The following ENTREP2 variants were observed in gnomAD, a reference collection of about 807,000 sequenced individuals.
ENTREP2 encodes protein ENTREP2.
chr15:29,282,950 G>A, the ENTREP2 span, among the ~76,000 whole-genome samples: 1 of 152,196 alleles, frequency 6.6e-6, no homozygotes, highest in African/African-American at 2.4e-5. Flanking sequence ...CCTGGTATGG[G>A]GGTGTGTCCA....
At chr15:29,560,958 G>A in the ENTREP2 span, among the ~76,000 whole-genome samples, 2 of 9,528 alleles carry the variant, frequency 2.1e-4, no homozygotes, top group Admixed American at 2.3e-3. Context: ...TTTATAAATG[G>A]TCTATGGTTG....
At chr15:29,635,893 C>T in the ENTREP2 span, among the ~76,000 whole-genome samples, 1 of 152,206 alleles carries the variant, frequency 6.6e-6, no homozygotes, top group South Asian at 2.1e-4. Context: ...ATACTGGGAC[C>T]TCTTGAGCCA....
At chr15:29,213,370 A>G in the ENTREP2 span, among the ~76,000 whole-genome samples, 4 of 152,128 alleles carry the variant, frequency 2.6e-5, no homozygotes, top group Non-Finnish European at 5.9e-5. Flanking sequence ...GAATCTATAA[A>G]TTACCTTGGG....
the ENTREP2 span, among the ~76,000 whole-genome samples, chr15:29,350,843 T>C: frequency 6.6e-6 from 1 of 152,182 alleles, no homozygotes; most frequent in Non-Finnish European, 1.5e-5. Flanking sequence ...CTTGGGAGGC[T>C]GAGGCAGGGC....
the ENTREP2 span, chr15:29,195,418 G>C: frequency 3.2e-6 from 2 of 625,338 alleles, no homozygotes; most frequent in African/African-American, 2.0e-5. Flanking sequence ...CCCATCCCCT[G>C]CATACTGCAT....
chr15:29,637,387 A>T, the ENTREP2 span, among the ~76,000 whole-genome samples: 2 of 152,206 alleles, frequency 1.3e-5, no homozygotes, highest in African/African-American at 4.8e-5. Flanking sequence ...ATATGCAGTG[A>T]GCAGAGAGTG....
At chr15:29,541,374 A>G in the ENTREP2 span, among the ~76,000 whole-genome samples, 1 of 152,238 alleles carries the variant, frequency 6.6e-6, no homozygotes, top group Non-Finnish European at 1.5e-5. Context: ...CCTCAGCCTC[A>G]GCCTGAGGGA....
At chr15:29,207,125 G>C in the ENTREP2 span, among the ~76,000 whole-genome samples, 1 of 152,142 alleles carries the variant, frequency 6.6e-6, no homozygotes, top group Non-Finnish European at 1.5e-5. Context: ...AGAGCATCAA[G>C]GACTGGGCAC....
the ENTREP2 span, among the ~76,000 whole-genome samples, chr15:29,319,140 G>A: frequency 5.9e-5 from 9 of 152,292 alleles, no homozygotes; most frequent in African/African-American, 1.4e-4. Context: ...CCTCACAACC[G>A]CCATGGGTAC....
chr15:29,126,784 G>A, the ENTREP2 span, among the ~76,000 whole-genome samples: 11,983 of 152,262 alleles, frequency 0.079, 580 homozygotes, highest in East Asian at 0.16. Flanking sequence ...TGGTCTGGGT[G>A]AACAGGGCCA....
At chr15:29,632,598 A>T in the ENTREP2 span, among the ~76,000 whole-genome samples, 1 of 152,144 alleles carries the variant, frequency 6.6e-6, no homozygotes, top group South Asian at 2.1e-4. Context: ...CCTGGTCAAC[A>T]TGGCAAAACT....
At chr15:29,657,129 G>C in the ENTREP2 span, among the ~76,000 whole-genome samples, 1 of 152,052 alleles carries the variant, frequency 6.6e-6, no homozygotes, top group East Asian at 1.9e-4. Flanking sequence ...CTCACTGCAA[G>C]CTCCGCCTCC....
chr15:29,545,054 C>T, the ENTREP2 span, among the ~76,000 whole-genome samples: 4 of 152,168 alleles, frequency 2.6e-5, no homozygotes, highest in East Asian at 5.8e-4. Flanking sequence ...TGCCTTCCAT[C>T]GGGCTAAGCT....
At chr15:29,137,111 G>T in the ENTREP2 span, 1 of 1,470,704 alleles carries the variant, frequency 6.8e-7, no homozygotes, top group Non-Finnish European at 8.9e-7. Context: ...GGATGAACTC[G>T]TCGAAATCCA....
chr15:29,214,439 C>T, the ENTREP2 span, among the ~76,000 whole-genome samples: 6 of 151,822 alleles, frequency 4.0e-5, no homozygotes, highest in South Asian at 2.1e-4. Flanking sequence ...ATCGCAAGGA[C>T]AAAAAAACAA....
the ENTREP2 span, among the ~76,000 whole-genome samples, chr15:29,622,406 C>T: frequency 7.9e-5 from 12 of 152,162 alleles, no homozygotes; most frequent in East Asian, 2.3e-3. Context: ...CAGGGTTTCA[C>T]CATGTTGACC....
the ENTREP2 span, among the ~76,000 whole-genome samples, chr15:29,423,861 T>C: frequency 6.6e-6 from 1 of 152,164 alleles, no homozygotes; most frequent in Admixed American, 6.5e-5. Flanking sequence ...TTTAAAAATA[T>C]ATCACAGACG....
At chr15:29,456,633 G>A in the ENTREP2 span, among the ~76,000 whole-genome samples, 6 of 152,186 alleles carry the variant, frequency 3.9e-5, no homozygotes, top group Admixed American at 1.3e-4. Flanking sequence ...GCCGCAGAGG[G>A]GAGACAGTGC....
chr15:29,574,728 T>G, the ENTREP2 span, among the ~76,000 whole-genome samples: 1 of 152,180 alleles, frequency 6.6e-6, no homozygotes, highest in Admixed American at 6.5e-5. Context: ...TGTTTCAGAT[T>G]CCTGCTCTTT....
Sources: gnomAD v4.1 joint callset for allele counts (sites outside exome capture counted in the v4.1 genomes callset) on GRCh38, gnomAD v4.1.1 for gene constraint, MANE v1.5 for transcripts, NCBI Gene and HGNC (gene_info 2026-07-23, HGNC 2026-07-21) for gene names.